Variants in CWC22 observed in about 807,000 individuals in gnomAD.
The protein encoded by CWC22 is pre-mRNA-splicing factor CWC22 homolog.
Under a neutral mutation model 117.2 loss-of-function variants are expected in CWC22, and 53 were observed. The observed-to-expected ratio is 0.45, with a 90% CI of 0.36 to 0.57. The LOEUF is 0.57. Among genes scored for constraint, CWC22 ranks in the 20% least tolerant of loss-of-function variants. The probability of loss-of-function intolerance (pLI) is 0.00; values close to 1 mark genes in which losing one functional copy is unlikely to be tolerated. For missense variants in CWC22, 980 were observed against 1,068.8 expected (o/e 0.92, Z 1.16); for synonymous variants, 360 against 355.6 (o/e 1.01, Z -0.14).
chr2:179,949,572 G>C (rs1373829217), intron 19 of CWC22, among the ~76,000 whole-genome samples: 1 of 152,122 alleles, frequency 6.6e-6, no homozygotes, highest in Non-Finnish European at 1.5e-5. Context: ...ATACATGGCC[G>C]GTGGGAGTGT....
At position 179,945,041 on chromosome 2, in the gene CWC22, C is replaced by A. The variant is rs953537787; in HGVS notation, c.*88G>T. 7.0e-5 allele frequency: 61 copies of A among 868,812 alleles called. No individual in the cohort carries two copies. In the Middle Eastern group the frequency reaches 1.0e-3, roughly 15 times the overall value. 53.8% of individuals were successfully genotyped at this position (868,812 alleles called of 1,614,324 possible). On this transcript the variant is annotated 3_prime_UTR_variant, in exon 20 of 20. Transcript: ENST00000410053. ...TACAAATACAAACCAATACTTTATA[C>A]AAGAATTCTCTATAAAGTTCGTCAA...
chr2:179,950,260 C>G (rs761922134), intron 19 of CWC22, among the ~76,000 whole-genome samples: 6 of 152,118 alleles, frequency 3.9e-5, no homozygotes, highest in Non-Finnish European at 8.8e-5. Flanking sequence ...TCATATCAGT[C>G]ATCACTCAGA....
chr2:179,980,562 C>A (rs1161600863), intron 5 of CWC22, among the ~76,000 whole-genome samples: 3 of 151,918 alleles, frequency 2.0e-5, no homozygotes, highest in Non-Finnish European at 4.4e-5. Context: ...GGACTACAGG[C>A]ACCCACCACC....
chr2:179,997,300 T>C (rs1397362088), intron 1 of CWC22, among the ~76,000 whole-genome samples: 1 of 151,932 alleles, frequency 6.6e-6, no homozygotes, highest in East Asian at 1.9e-4. Flanking sequence ...GATATATATA[T>C]ACTGTTCCTT....
At chr2:179,951,390 T>A (rs917763984) in intron 17 of CWC22, among the ~76,000 whole-genome samples, 1 of 151,720 alleles carries the variant, frequency 6.6e-6, no homozygotes, top group African/African-American at 2.4e-5. Context: ...AAATCAAGGA[T>A]GAAGACCATA....
intron 3 of CWC22, 136 bp downstream of exon 3, chr2:179,988,441 C>A (rs920274287): frequency 9.2e-6 from 5 of 545,308 alleles, no homozygotes; most frequent in Non-Finnish European, 1.6e-5. Context: ...CTCCTACAGC[C>A]CATTCAAGTA....
intron 1 of CWC22, among the ~76,000 whole-genome samples, chr2:179,998,147 T>C (rs546489105): frequency 9.8e-5 from 15 of 152,326 alleles, no homozygotes; most frequent in African/African-American, 3.1e-4. Context: ...CAATTTTACA[T>C]AAGAAACTTT....
At chr2:179,957,589 C>A (rs1259843339) in intron 14 of CWC22, among the ~76,000 whole-genome samples, 1 of 152,138 alleles carries the variant, frequency 6.6e-6, no homozygotes, top group Non-Finnish European at 1.5e-5. Flanking sequence ...ACCTCTGTAA[C>A]ACATAAACAT....
chr2:180,001,116 C>T (rs541303839), intron 1 of CWC22, among the ~76,000 whole-genome samples: 1 of 152,174 alleles, frequency 6.6e-6, no homozygotes, highest in South Asian at 2.1e-4. Flanking sequence ...AATAAGCTGT[C>T]TCTTGATTTA....
At chr2:179,948,842 A>G (rs1686374740) in intron 19 of CWC22, among the ~76,000 whole-genome samples, 2 of 152,168 alleles carry the variant, frequency 1.3e-5, no homozygotes, top group Non-Finnish European at 2.9e-5. Flanking sequence ...GAAAAACGAC[A>G]TTAGTGGTAA....
intron 4 of CWC22, 120 bp downstream of exon 4, chr2:179,986,575 A>G: frequency 5.3e-6 from 3 of 568,330 alleles, no homozygotes; most frequent in Admixed American, 3.5e-5. Context: ...TAGAAAGCCT[A>G]GCACCTAAAA....
At chr2:179,971,121 A>G in intron 8 of CWC22, 45 bp from the exon 9 acceptor site, 7 of 1,259,228 alleles carry the variant, frequency 5.6e-6, no homozygotes, top group Non-Finnish European at 7.5e-6. Context: ...ATGCTTTTAC[A>G]TACATTAAAT....
intron 4 of CWC22, among the ~76,000 whole-genome samples, chr2:179,982,505 T>A (rs566120500): frequency 1.4e-4 from 22 of 152,246 alleles, no homozygotes; most frequent in African/African-American, 4.8e-4. Context: ...TATGACAAAT[T>A]GTATAAAGGA....
intron 6 of CWC22, among the ~76,000 whole-genome samples, chr2:179,976,508 A>G: frequency 6.9e-6 from 1 of 144,274 alleles, no homozygotes; most frequent in East Asian, 2.0e-4. Context: ...ATTTGCAAAC[A>G]TACACCTGAT....
At position 179,944,992 on chromosome 2, in the gene CWC22, TAAAATG is replaced by T; in HGVS notation, c.*131_*136del. On this transcript the variant is annotated 3_prime_UTR_variant, in exon 20 of 20. Transcript: ENST00000410053. ...GAGATGTATCAATTATAAAACATGT[TAAAATG>T]AAAACATTTTTTAAATTTACAAATA... The T allele has an allele frequency of 1.6e-6, 1 of 621,096 alleles. No individual in the cohort carries two copies. Among genetic ancestry groups the T allele is most frequent in the Non-Finnish European group, 2.6e-6 (1 of 384,168 alleles). The allele number at this position is 621,096 out of a possible 1,614,324, so 38.5% of individuals were successfully genotyped here.
intron 19 of CWC22, among the ~76,000 whole-genome samples, chr2:179,946,578 G>T (rs952826299): frequency 3.3e-5 from 5 of 151,680 alleles, no homozygotes; most frequent in African/African-American, 1.2e-4. Flanking sequence ...AAATTTTATA[G>T]CAAATGTAAA....
chr2:179,981,033 T>C (rs1687272532), intron 5 of CWC22, among the ~76,000 whole-genome samples: 2 of 152,186 alleles, frequency 1.3e-5, no homozygotes, highest in South Asian at 4.1e-4. Flanking sequence ...TGTTCATATA[T>C]AAATTTTGTC....
chr2:179,989,246 TAA>T (rs33935361), intron 2 of CWC22, among the ~76,000 whole-genome samples: 143,292 of 150,456 alleles, frequency 0.95, 68,334 homozygotes, highest in East Asian at 1. Flanking sequence ...TAAGTTATAA[TAA>T]TAATTATTAT....
rs1411876960 is a variant in CWC22 at position 179,981,674 on chromosome 2, CA to C, written c.452+77del. ...TAGACTAACGTAAATTCTCAAGAAC[CA>C]GGGTTAATTAAACCACAGTTGACTT... is the stretch of plus-strand genomic sequence containing the variant. On this transcript the variant is annotated intron_variant, in intron 5 of 19. Coordinates refer to ENST00000410053, the MANE Select transcript of CWC22 (RefSeq NM_020943.3). 5 of 1,221,216 alleles carry C rather than the reference CA, an allele frequency of 4.1e-6. No homozygotes were observed. In the African/African-American group the frequency reaches 7.5e-5, roughly 18 times the overall value. The allele number at this position is 1,221,216 out of a possible 1,614,324, so 75.6% of individuals were successfully genotyped here. A position where few individuals can be genotyped will look rare whatever the true frequency, so the allele number is the denominator to read the frequency against.
Sources: gnomAD v4.1 joint callset for allele counts (sites outside exome capture counted in the v4.1 genomes callset) on GRCh38, gnomAD v4.1.1 for gene constraint, MANE v1.5 for transcripts, NCBI Gene and HGNC (gene_info 2026-07-23, HGNC 2026-07-21) for gene names.